Variants in C1QTNF3 observed in about 807,000 individuals in gnomAD.
C1QTNF3 encodes complement C1q tumor necrosis factor-related protein 3.
Under a neutral mutation model 32.6 loss-of-function variants are expected in C1QTNF3, and 26 were observed. The observed-to-expected ratio is 0.80, with a 90% CI of 0.58 to 1.11. C1QTNF3 has a LOEUF of 1.11. Among genes scored for constraint, C1QTNF3 ranks in the 50% least tolerant of loss-of-function variants. C1QTNF3 has a pLI of 0.00. For synonymous variants in C1QTNF3, 155 were observed against 146.0 expected, an observed-to-expected ratio of 1.06 and a Z score of -0.44; for missense variants, 362 against 398.2, an observed-to-expected ratio of 0.91 and a Z score of 0.77.
At chr5:34,138,844 ATT>A in the C1QTNF3 span, among the ~76,000 whole-genome samples, 1 of 152,106 alleles carries the variant, frequency 6.6e-6, no homozygotes, top group South Asian at 2.1e-4. Flanking sequence ...CACAAGCATC[ATT>A]GTTTTAAGCA....
At chr5:34,046,216 G>A (rs182563757), upstream of C1QTNF3, among the ~76,000 whole-genome samples, 673 of 152,298 alleles carry the variant, frequency 4.4e-3, 6 homozygotes, top group Middle Eastern at 0.031. Context: ...TTGTCCTGTA[G>A]AAGCCTCCCC....
chr5:34,108,578 G>A, the C1QTNF3 span, among the ~76,000 whole-genome samples: 15 of 151,992 alleles, frequency 9.9e-5, no homozygotes, highest in African/African-American at 2.9e-4. Flanking sequence ...GTATTTTCTC[G>A]TCATAAAGTA....
At chr5:34,217,290 T>TA in the C1QTNF3 span, among the ~76,000 whole-genome samples, 1 of 152,092 alleles carries the variant, frequency 6.6e-6, no homozygotes, top group Non-Finnish European at 1.5e-5. Context: ...TTATTTTCCA[T>TA]AAAAAATAGA....
chr5:34,111,963 G>A, the C1QTNF3 span, among the ~76,000 whole-genome samples: 1 of 152,152 alleles, frequency 6.6e-6, no homozygotes, highest in African/African-American at 2.4e-5. Context: ...ACAGTCTCTC[G>A]GCAGAAGAGT....
At chr5:34,165,538 T>C in the C1QTNF3 span, 1 of 152,140 alleles carries the variant, frequency 6.6e-6, no homozygotes, top group Admixed American at 6.6e-5. Context: ...AGCATCGAGT[T>C]ACTGTAACTG....
chr5:34,044,688 C>G (rs1406692765), upstream of C1QTNF3, among the ~76,000 whole-genome samples: 1 of 152,114 alleles, frequency 6.6e-6, no homozygotes, highest in Non-Finnish European at 1.5e-5. Flanking sequence ...GAGAGTTACT[C>G]TGTGAACTAA....
chr5:34,052,265 T>C, the C1QTNF3 span, among the ~76,000 whole-genome samples: 2 of 152,260 alleles, frequency 1.3e-5, no homozygotes, highest in Non-Finnish European at 2.9e-5. Flanking sequence ...ACTAGATATG[T>C]TCTTTCCCCT....
chr5:34,072,473 T>A, the C1QTNF3 span, among the ~76,000 whole-genome samples: 2 of 152,188 alleles, frequency 1.3e-5, no homozygotes, highest in African/African-American at 4.8e-5. Context: ...AAATGATGGA[T>A]CATTTGTAGA....
chr5:34,052,699 C>G, the C1QTNF3 span, among the ~76,000 whole-genome samples: 1 of 152,194 alleles, frequency 6.6e-6, no homozygotes, highest in Non-Finnish European at 1.5e-5. Context: ...TAGCACAGTG[C>G]CTGGCACCCA....
At chr5:34,131,429 C>A in the C1QTNF3 span, among the ~76,000 whole-genome samples, 2 of 151,508 alleles carry the variant, frequency 1.3e-5, no homozygotes, top group African/African-American at 2.4e-5. Context: ...CTACATTATA[C>A]ACACACAGGC....
chr5:34,100,957 G>A, the C1QTNF3 span, among the ~76,000 whole-genome samples: 1 of 151,862 alleles, frequency 6.6e-6, no homozygotes, highest in South Asian at 2.1e-4. Context: ...GCTTATGGCT[G>A]GTGCTGCATA....
chr5:34,068,562 G>C, the C1QTNF3 span, among the ~76,000 whole-genome samples: 42 of 151,992 alleles, frequency 2.8e-4, no homozygotes, highest in East Asian at 7.7e-3. Flanking sequence ...GAGAGAGAGA[G>C]ATTTAATTCA....
the C1QTNF3 span, among the ~76,000 whole-genome samples, chr5:34,218,914 C>G: frequency 6.6e-6 from 1 of 151,990 alleles, no homozygotes; most frequent in Non-Finnish European, 1.5e-5. Flanking sequence ...TGAAAAAACA[C>G]TGATGATTCT....
the C1QTNF3 span, among the ~76,000 whole-genome samples, chr5:34,242,007 A>AGGAAGGAAGGAAGGAAGGAAGG: frequency 6.7e-6 from 1 of 149,726 alleles, no homozygotes; most frequent in Non-Finnish European, 1.5e-5. Flanking sequence ...GAAGGAAGGA[A>AGGAAGGAAGGAAGGAAGGAAGG]ATTTTGATAA....
At chr5:34,031,809 G>A (rs534766196) in intron 3 of C1QTNF3, among the ~76,000 whole-genome samples, 33 of 152,166 alleles carry the variant, frequency 2.2e-4, no homozygotes, top group Non-Finnish European at 4.6e-4. Flanking sequence ...TCCAGCCTGT[G>A]CACACACACA....
the C1QTNF3 span, among the ~76,000 whole-genome samples, chr5:34,076,908 G>A: frequency 1.3e-5 from 2 of 151,508 alleles, no homozygotes; most frequent in Non-Finnish European, 2.9e-5. Context: ...GGTTATGAGA[G>A]CCAAACATGA....
the C1QTNF3 span, among the ~76,000 whole-genome samples, chr5:34,234,675 G>T: frequency 2.0e-5 from 3 of 152,256 alleles, no homozygotes; most frequent in Admixed American, 2.0e-4. Flanking sequence ...ATATTTCTGA[G>T]CAATACAAAT....
At chr5:34,064,155 G>A in the C1QTNF3 span, among the ~76,000 whole-genome samples, 11 of 152,200 alleles carry the variant, frequency 7.2e-5, no homozygotes, top group African/African-American at 2.4e-4. Context: ...CTTAAGTCCA[G>A]CAGCCACGCT....
the C1QTNF3 span, among the ~76,000 whole-genome samples, chr5:34,076,720 A>G: frequency 6.6e-6 from 1 of 151,684 alleles, no homozygotes; most frequent in Non-Finnish European, 1.5e-5. Context: ...TGTCTTGGTA[A>G]TAAAAACAAC....
Sources: gnomAD v4.1 joint callset for allele counts (sites outside exome capture counted in the v4.1 genomes callset) on GRCh38, gnomAD v4.1.1 for gene constraint, MANE v1.5 for transcripts, NCBI Gene and HGNC (gene_info 2026-07-23, HGNC 2026-07-21) for gene names.